Variants in AKAIN1 observed in about 807,000 individuals in gnomAD.
AKAIN1 encodes A-kinase anchor protein inhibitor 1.
AKAIN1 carries 3 observed loss-of-function variants against 3.7 expected under a neutral mutation model. That is an observed-to-expected ratio of 0.82 (90% CI 0.37 to 2.12). The LOEUF (loss-of-function observed/expected upper bound fraction) is 2.12. AKAIN1 is among the 30% of genes most tolerant of loss of function. The pLI is 0.06. For synonymous variants in AKAIN1, 31 were observed against 30.8 expected (o/e 1.01, Z -0.02); for missense variants, 82 against 82.7 (o/e 0.99, Z 0.03).
chr18:5,177,478 G>A (rs421384), intron 1 of AKAIN1, among the ~76,000 whole-genome samples: 93,303 of 151,350 alleles, frequency 0.62, 29,657 homozygotes, highest in African/African-American at 0.78. Flanking sequence ...TTACATACAT[G>A]TTTTCTATTT....
intron 1 of AKAIN1, among the ~76,000 whole-genome samples, chr18:5,173,515 A>G (rs565410058): frequency 1.4e-4 from 21 of 152,158 alleles, no homozygotes; most frequent in Non-Finnish European, 2.5e-4. Context: ...GGAGGAAAAA[A>G]CACAGTCAAG....
chr18:5,160,369 A>G (rs763420437), intron 1 of AKAIN1, among the ~76,000 whole-genome samples: 1 of 152,180 alleles, frequency 6.6e-6, no homozygotes, highest in Admixed American at 6.5e-5. Context: ...AGATTGATTT[A>G]TGATGACGAT....
chr18:5,173,448 A>G (rs1028974305), intron 1 of AKAIN1, among the ~76,000 whole-genome samples: 6 of 152,190 alleles, frequency 3.9e-5, no homozygotes, highest in African/African-American at 1.4e-4. Context: ...CCAAAACAGA[A>G]ATCAGGGGTT....
chr18:5,158,346 T>C (rs1387956604), intron 1 of AKAIN1, among the ~76,000 whole-genome samples: 1 of 152,222 alleles, frequency 6.6e-6, no homozygotes, highest in African/African-American at 2.4e-5. Context: ...GACACTCCTT[T>C]GGTGCCAGCT....
intron 1 of AKAIN1, among the ~76,000 whole-genome samples, chr18:5,171,984 A>G (rs1324097728): frequency 6.6e-6 from 1 of 152,212 alleles, no homozygotes; most frequent in Non-Finnish European, 1.5e-5. Flanking sequence ...TGTGGTACAC[A>G]TACATAATGG....
intron 1 of AKAIN1, among the ~76,000 whole-genome samples, chr18:5,179,579 C>T (rs533094115): frequency 2.0e-5 from 3 of 151,970 alleles, no homozygotes; most frequent in Non-Finnish European, 4.4e-5. Flanking sequence ...ATTTATTTTC[C>T]TTTAGGTAGA....
chr18:5,152,038 A>C (rs1287167563), intron 1 of AKAIN1, among the ~76,000 whole-genome samples: 1 of 152,172 alleles, frequency 6.6e-6, no homozygotes, highest in Non-Finnish European at 1.5e-5. Context: ...TATAATTGGG[A>C]GCTATGTCAT....
intron 1 of AKAIN1, among the ~76,000 whole-genome samples, chr18:5,169,672 T>C (rs954957784): frequency 2.0e-5 from 3 of 152,174 alleles, no homozygotes; most frequent in Non-Finnish European, 4.4e-5. Flanking sequence ...AGGTCTCTCT[T>C]AGTTTATCTG....
intron 1 of AKAIN1, among the ~76,000 whole-genome samples, chr18:5,165,903 A>G (rs2071165338): frequency 6.6e-6 from 1 of 152,042 alleles, no homozygotes; most frequent in Admixed American, 6.6e-5. Context: ...CTGAGAATAA[A>G]GTTATAGGCT....
intron 1 of AKAIN1, among the ~76,000 whole-genome samples, chr18:5,196,070 C>T (rs931639561): frequency 6.6e-6 from 1 of 152,164 alleles, no homozygotes; most frequent in South Asian, 2.1e-4. Context: ...CATCTGAAGC[C>T]CATGACCACA....
At chr18:5,155,010 T>C (rs2071099329) in intron 1 of AKAIN1, among the ~76,000 whole-genome samples, 1 of 152,054 alleles carries the variant, frequency 6.6e-6, no homozygotes, top group Admixed American at 6.5e-5. Context: ...GGTTTCTGTT[T>C]AACCCTTAGG....
At chr18:5,167,096 G>A (rs533514511) in intron 1 of AKAIN1, among the ~76,000 whole-genome samples, 6 of 152,176 alleles carry the variant, frequency 3.9e-5, no homozygotes, top group African/African-American at 1.4e-4. Flanking sequence ...TTAAAGCAGT[G>A]TGATGTTAGC....
At chr18:5,173,823 T>C (rs2071210781) in intron 1 of AKAIN1, among the ~76,000 whole-genome samples, 1 of 152,086 alleles carries the variant, frequency 6.6e-6, no homozygotes, top group Admixed American at 6.5e-5. Context: ...CTGGGCCGTC[T>C]TTGGCATGAT....
At chr18:5,159,632 C>A (rs2071128113) in intron 1 of AKAIN1, among the ~76,000 whole-genome samples, 1 of 152,110 alleles carries the variant, frequency 6.6e-6, no homozygotes, top group South Asian at 2.1e-4. Context: ...ATTGTGCTGT[C>A]ATTTTTGCCT....
rs1026827697 is a variant in AKAIN1, at chr18:5,143,847, A to T, written c.*1715T>A. ...GCAAAAACAAAGGCTGGTCATATCC[A>T]GATATCTGAGTAGACATAGTACCAG... is the stretch of plus-strand genomic sequence containing the variant. On this transcript the variant is annotated 3_prime_UTR_variant, in exon 2 of 2. Transcript: ENST00000434239. 1.5e-4 allele frequency among the ~76,000 whole-genome samples: 23 copies of T among 152,240 alleles called. No homozygotes were observed. The highest frequency in any genetic ancestry group is 4.8e-4 in the African/African-American group (20 of 41,464).
At chr18:5,168,832 A>T (rs1477651514) in intron 1 of AKAIN1, among the ~76,000 whole-genome samples, 1 of 151,392 alleles carries the variant, frequency 6.6e-6, no homozygotes, top group Non-Finnish European at 1.5e-5. Context: ...CATAATAAAC[A>T]GGTGCTTGTT....
At chr18:5,163,220 T>A (rs2071149587) in intron 1 of AKAIN1, among the ~76,000 whole-genome samples, 1 of 152,046 alleles carries the variant, frequency 6.6e-6, no homozygotes, top group African/African-American at 2.4e-5. Flanking sequence ...ATTCTGCCTT[T>A]TCCATGTACT....
intron 1 of AKAIN1, among the ~76,000 whole-genome samples, chr18:5,156,050 A>C (rs2071106346): frequency 6.6e-6 from 1 of 152,140 alleles, no homozygotes; most frequent in Non-Finnish European, 1.5e-5. Context: ...AGGAGTTCCG[A>C]AGCAGCTGGA....
intron 1 of AKAIN1, among the ~76,000 whole-genome samples, chr18:5,186,048 G>T (rs1345522566): frequency 6.6e-6 from 1 of 152,136 alleles, no homozygotes; most frequent in Non-Finnish European, 1.5e-5. Context: ...TGCAGCTGGA[G>T]CTGTAGGAGC....
Sources: gnomAD v4.1 joint callset for allele counts (sites outside exome capture counted in the v4.1 genomes callset) on GRCh38, gnomAD v4.1.1 for gene constraint, MANE v1.5 for transcripts, NCBI Gene and HGNC (gene_info 2026-07-23, HGNC 2026-07-21) for gene names.